Variants in PTPRH observed in about 807,000 individuals in gnomAD.
PTPRH encodes receptor-type tyrosine-protein phosphatase H.
Under a neutral mutation model 130.2 loss-of-function variants are expected in PTPRH, and 113 were observed. The observed-to-expected ratio is 0.87, with a 90% confidence interval of 0.75 to 1.01. The LOEUF is 1.01. Ranked by LOEUF, PTPRH falls within the 50% of genes least tolerant of loss-of-function variation. The pLI is 0.00. For synonymous variants in PTPRH, 556 were observed against 577.9 expected, an observed-to-expected ratio of 0.96 and a Z score of 0.54; for missense variants, 1,430 against 1,425.0, an observed-to-expected ratio of 1.00 and a Z score of -0.06.
At chr19:55,186,838 A>G (rs1229280257) in intron 14 of PTPRH, among the ~76,000 whole-genome samples, 1 of 152,010 alleles carries the variant, frequency 6.6e-6, no homozygotes, top group Non-Finnish European at 1.5e-5. Context: ...TGAGGTCAGG[A>G]ATTTAAGACC....
chr19:55,183,339 G>C (rs2086230560), intron 18 of PTPRH, among the ~76,000 whole-genome samples: 1 of 151,556 alleles, frequency 6.6e-6, no homozygotes, highest in African/African-American at 2.4e-5. Flanking sequence ...GGGAGGCGGA[G>C]ATTGCAGTGA....
rs1175817753 is a variant in PTPRH, at chr19:55,196,650, G to A, written c.2129C>T (p.Ser710Phe). The change falls in exon 10 of 20, where the codon TCT becomes TTT. Residue 710 changes from serine (S) to phenylalanine (F), a missense_variant. By Grantham distance (155) the Ser-to-Phe change is radical. Coordinates refer to ENST00000376350, the MANE Select transcript of PTPRH (RefSeq NM_002842.5). ...CACAGACACAGCCTCCCCACATGAA[G>A]ATCTGTCCTGGGAGCCCCGCTGTCC... Reference protein sequence around the residue: ...VGGQRGSQDRSSCGEAVSVLG... With the variant: ...VGGQRGSQDRFSCGEAVSVLG... 9 of 1,613,902 alleles carry A rather than the reference G, an allele frequency of 5.6e-6. No homozygotes were observed. Among genetic ancestry groups the A allele is most frequent in the Non-Finnish European group, 6.8e-6 (8 of 1,180,032 alleles).
chr19:55,200,181 C>T, intron 7 of PTPRH, 55 bp downstream of exon 7: 1 of 1,594,192 alleles, frequency 6.3e-7, no homozygotes, highest in South Asian at 1.1e-5. Flanking sequence ...CCACGCCGCT[C>T]CTGCTGGTTC....
At position 55,209,419 on chromosome 19, in the gene PTPRH, G is replaced by T. The variant is rs769746858; in HGVS notation, c.15C>A (p.Gly5=). 33 of 1,557,050 alleles carry T rather than the reference G, an allele frequency of 2.1e-5. No individual in the cohort carries two copies. Among genetic ancestry groups the T allele is most frequent in the Admixed American group, 3.9e-5 (2 of 51,614 alleles). ...GGTTCCCCCAGACCCCGAGGCCCCC[G>T]CCAGCCCCAGCCATGCCTCCAGACA... MAGA[G]GGLGVWGNLV... Residue 5 remains glycine (G), a synonymous_variant, in exon 1 of 20, where the codon GGC becomes GGA. Coordinates refer to ENST00000376350, the MANE Select transcript of PTPRH (RefSeq NM_002842.5). The surrounding 1 kb of genome is among the most constrained non-coding windows in gnomAD (Gnocchi z 4.1).
At chr19:55,190,890 G>T (rs1203702015) in intron 12 of PTPRH, among the ~76,000 whole-genome samples, 6 of 152,034 alleles carry the variant, frequency 3.9e-5, no homozygotes. Flanking sequence ...CACCCAGGCT[G>T]CAGTGCAGTG....
rs527962123 is a variant in PTPRH at position 55,200,057 on chromosome 19, C to A, written c.1420+179G>T. On this transcript the variant is annotated intron_variant, in intron 7 of 19. Coordinates refer to ENST00000376350, the MANE Select transcript of PTPRH (RefSeq NM_002842.5). ...AGCGGGAGAAGTCTGGATGGGCTCTCTTCTTCCTCAGGGCAGAGCCAGCCC... is the reference window on the plus strand; with the variant it reads ...AGCGGGAGAAGTCTGGATGGGCTCTATTCTTCCTCAGGGCAGAGCCAGCCC... 1.1e-4 allele frequency among the ~76,000 whole-genome samples: 16 copies of A among 152,344 alleles called. No individual in the cohort carries two copies. In the South Asian group the frequency reaches 3.3e-3, roughly 32 times the overall value.
chr19:55,200,106 G>T (rs968285686), intron 7 of PTPRH, 130 bp downstream of exon 7: 1 of 1,080,112 alleles, frequency 9.3e-7, no homozygotes, highest in Non-Finnish European at 1.3e-6. Flanking sequence ...CATCTGTCCT[G>T]TGGACTTGGA....
At position 55,194,284 on chromosome 19, in the gene PTPRH, A is replaced by C; in HGVS notation, c.2257+2238T>G. On this transcript the variant is annotated intron_variant, in intron 10 of 19. Transcript: ENST00000376350. Reference sequence around the variant, plus strand: ...TCAGCCTTGAAGGCCCCCAAGCTGCAGCTTCTCAGCAATCCTGGGAAGAGT... The same window carrying C: ...TCAGCCTTGAAGGCCCCCAAGCTGCCGCTTCTCAGCAATCCTGGGAAGAGT... 4.7e-6 allele frequency: 6 copies of C among 1,289,440 alleles called. No individual in the cohort carries two copies. In the South Asian group the frequency reaches 7.4e-5, roughly 16 times the overall value. 79.9% of individuals were successfully genotyped at this position (1,289,440 alleles called of 1,614,324 possible).
At chr19:55,207,045 C>A in intron 2 of PTPRH, 90 bp from the exon 3 acceptor site, 1 of 1,555,260 alleles carries the variant, frequency 6.4e-7, no homozygotes, top group Admixed American at 1.9e-5. Flanking sequence ...AGTCCAGAAA[C>A]AACGGCGCTC....
chr19:55,185,701 G>A lies in PTPRH; in HGVS notation c.2902-39C>T, dbSNP rs569780367. The A allele has an allele frequency of 1.6e-5, 25 of 1,607,130 alleles. No individual in the cohort carries two copies. The South Asian group carries it at 2.5e-4, about 16-fold the overall frequency. ...GCACTCACAGGCTCTGGAGATGAAT[G>A]TAGGGAGGACCTGGCTTCTAGCACC... On this transcript the variant is annotated intron_variant, in intron 17 of 19. Transcript: ENST00000376350.
intron 19 of PTPRH, 28 bp downstream of exon 19, chr19:55,181,988 G>C: frequency 1.2e-6 from 2 of 1,613,946 alleles, no homozygotes; most frequent in Non-Finnish European, 8.5e-7. Context: ...ACTGCCTCCC[G>C]TCCTGTGTTG....
Position 55,206,642 on chromosome 19 carries a change from A to C in PTPRH, c.352+47T>G, listed in dbSNP as rs544009926. The C allele has an allele frequency of 4.5e-5, 69 of 1,528,396 alleles. No individual in the cohort carries two copies. In the African/African-American group the frequency reaches 7.9e-4, roughly 18 times the overall value. The allele number at this position is 1,528,396 out of a possible 1,614,324, so 94.7% of individuals were successfully genotyped here. ...TGTCAGCTCTCAACCACCCCCTACC[A>C]CTGTCCTTATAAAAGAAATAAAAAT... On this transcript the variant is annotated intron_variant, in intron 3 of 19. Transcript: ENST00000376350.
At chr19:55,205,021 C>T (rs1181333380) in intron 4 of PTPRH, among the ~76,000 whole-genome samples, 1 of 152,094 alleles carries the variant, frequency 6.6e-6, no homozygotes, top group Non-Finnish European at 1.5e-5. Context: ...GTCAGAGTGT[C>T]CCCACTCACA....
rs1337631493 is a variant in PTPRH at position 55,185,724 on chromosome 19, A to C, written c.2902-62T>G. The C allele has an allele frequency of 3.1e-6, 5 of 1,597,724 alleles. No homozygotes were observed. The African/African-American group carries it at 5.4e-5, about 17-fold the overall frequency. On this transcript the variant is annotated intron_variant, in intron 17 of 19. Transcript: ENST00000376350. ...ATGTAGGGAGGACCTGGCTTCTAGC[A>C]CCAGGAGCGGGTTCCCTGGGGCACA...
At chr19:55,197,868 AG>A (rs2086735650) in intron 8 of PTPRH, among the ~76,000 whole-genome samples, 1 of 152,146 alleles carries the variant, frequency 6.6e-6, no homozygotes, top group South Asian at 2.1e-4. Flanking sequence ...ACGTTTGTAG[AG>A]GGAGCTGATA....
chr19:55,192,578 G>C (rs1296048816), intron 10 of PTPRH, among the ~76,000 whole-genome samples: 1 of 151,248 alleles, frequency 6.6e-6, no homozygotes, highest in East Asian at 2.0e-4. Context: ...CTGAGACAGA[G>C]TCTTGCTCTG....
In PTPRH at chr19:55,181,385, A is replaced by C; in HGVS notation, c.*369T>G. On this transcript the variant is annotated 3_prime_UTR_variant, in exon 20 of 20. Transcript: ENST00000376350. ...AGACTGATTTGGTTTCTGAAGTAAAATCAAGGCAGGATCCTTCCTGCCTTT... is the reference window on the plus strand; with the variant it reads ...AGACTGATTTGGTTTCTGAAGTAAACTCAAGGCAGGATCCTTCCTGCCTTT... 4.9e-6 allele frequency: 1 copy of C among 203,886 alleles called. No homozygotes were observed. Among genetic ancestry groups the C allele is most frequent in the East Asian group, 1.1e-4 (1 of 8,900 alleles). The allele number at this position is 203,886 out of a possible 1,614,324, so 12.6% of individuals were successfully genotyped here.
At position 55,182,104 on chromosome 19, in the gene PTPRH, A is replaced by G; in HGVS notation, c.3110T>C (p.Leu1037Pro). 1.2e-6 allele frequency: 2 copies of G among 1,614,140 alleles called. No individual in the cohort carries two copies. Among genetic ancestry groups the G allele is most frequent in the Non-Finnish European group, 8.5e-7 (1 of 1,180,028 alleles). ...GAGACCCTCGGACTGCAGCTGCCGG[A>G]GCAGGACGTCCAGGGCAATGAGGGT... ...TGTLIALDVLLRQLQSEGLLG... is the reference protein window; with the variant it reads ...TGTLIALDVLPRQLQSEGLLG... The change falls in exon 19 of 20, where the codon CTC (leucine) becomes CCC (proline). Residue 1037 changes from leucine (L) to proline (P), a missense_variant. Physicochemically the swap from Leu to Pro is moderately conservative, Grantham distance 98. Transcript: ENST00000376350.
chr19:55,186,209 G>A lies in PTPRH; in HGVS notation c.2778+16C>T. On this transcript the variant is annotated intron_variant, in intron 16 of 19. Coordinates refer to ENST00000376350, the MANE Select transcript of PTPRH (RefSeq NM_002842.5). Reference sequence around the variant, plus strand: ...GGTCCTGCACCCAGTCAGCACCCAGGACTCAGATCTCTCACCCGGCCGGCC... The same window carrying A: ...GGTCCTGCACCCAGTCAGCACCCAGAACTCAGATCTCTCACCCGGCCGGCC... 2 of 1,602,938 alleles carry A rather than the reference G, an allele frequency of 1.2e-6. No homozygotes were observed. Among genetic ancestry groups the A allele is most frequent in the South Asian group, 1.1e-5 (1 of 89,938 alleles).
Sources: allele counts gnomAD v4.1 joint callset (sites outside exome capture counted in the v4.1 genomes callset), GRCh38; gene constraint gnomAD v4.1.1; non-coding constraint Gnocchi (gnomAD v3.1); transcripts MANE v1.5; gene names NCBI Gene and HGNC (gene_info 2026-07-23, HGNC 2026-07-21).